The following ARID4B variants were observed in gnomAD, a reference collection of about 807,000 sequenced individuals.
ARID4B encodes the protein AT-rich interaction domain 4B, also known as AT-rich interactive domain-containing protein 4B.
Under a neutral mutation model 147.5 loss-of-function variants are expected in ARID4B, and 26 were observed. The ratio of observed to expected loss-of-function variants is 0.18; its 90% CI spans 0.13 to 0.24. ARID4B has a LOEUF of 0.24. Ranked by LOEUF, ARID4B falls within the 10% of genes least tolerant of loss-of-function variation. ARID4B has a pLI of 1.00. For missense variants in ARID4B, 1,179 were observed against 1,511.5 expected (o/e 0.78, Z 3.65); for synonymous variants, 512 against 507.9 (o/e 1.01, Z -0.11).
At chr1:235,272,709 C>T (rs1229329676) in intron 2 of ARID4B, among the ~76,000 whole-genome samples, 1 of 148,796 alleles carries the variant, frequency 6.7e-6, no homozygotes, top group East Asian at 2.0e-4. Context: ...ACATTTATTA[C>T]ATATTATAAT....
At chr1:235,172,534 CGCCATT>C (rs2102894526) in intron 23 of ARID4B, 78 bp downstream of exon 23, 1 of 951,480 alleles carries the variant, frequency 1.1e-6, no homozygotes, top group East Asian at 3.0e-5. Flanking sequence ...GCCGAGATTG[CGCCATT>C]GCACTCCAGC....
chr1:235,184,564 C>T (rs886515068), intron 19 of ARID4B, among the ~76,000 whole-genome samples: 11 of 152,186 alleles, frequency 7.2e-5, no homozygotes, highest in African/African-American at 2.7e-4. Context: ...CATGCATGTT[C>T]TTTAGCTAAA....
chr1:235,325,417 T>C (rs1675157688), intron 2 of ARID4B, among the ~76,000 whole-genome samples: 1 of 151,958 alleles, frequency 6.6e-6, no homozygotes, highest in Non-Finnish European at 1.5e-5. Context: ...ATCTCAGACT[T>C]TCAACTTAAC....
chr1:235,287,387 AG>A (rs1435072082), intron 2 of ARID4B, among the ~76,000 whole-genome samples: 9 of 152,266 alleles, frequency 5.9e-5, no homozygotes, highest in African/African-American at 2.2e-4. Flanking sequence ...ACTGCAGGGG[AG>A]GTTGTAGTAA....
chr1:235,308,542 C>T (rs1186535530), intron 2 of ARID4B, among the ~76,000 whole-genome samples: 1 of 148,730 alleles, frequency 6.7e-6, no homozygotes, highest in Non-Finnish European at 1.5e-5. Flanking sequence ...CTGGACTGTA[C>T]TGCTGCCATC....
chr1:235,177,058 T>C (rs1337748355), intron 21 of ARID4B, among the ~76,000 whole-genome samples: 1 of 152,226 alleles, frequency 6.6e-6, no homozygotes, highest in Non-Finnish European at 1.5e-5. Context: ...GCAAAAAGTA[T>C]TGTTTGTAGT....
At chr1:235,324,293 A>C (rs900549194) in intron 2 of ARID4B, among the ~76,000 whole-genome samples, 1 of 152,212 alleles carries the variant, frequency 6.6e-6, no homozygotes, top group Non-Finnish European at 1.5e-5. Flanking sequence ...TACAGCACAA[A>C]TTCCTTATGT....
chr1:235,212,347 T>C (rs992296490), intron 17 of ARID4B, among the ~76,000 whole-genome samples: 8 of 152,178 alleles, frequency 5.3e-5, no homozygotes, highest in Non-Finnish European at 1.0e-4. Context: ...AAACTTATGT[T>C]TCTGGATGAC....
intron 2 of ARID4B, among the ~76,000 whole-genome samples, chr1:235,298,791 A>G (rs1572185155): frequency 6.6e-6 from 1 of 152,210 alleles, no homozygotes; most frequent in East Asian, 1.9e-4. Flanking sequence ...TTAATACTAC[A>G]ATCAGAACAA....
chr1:235,212,249 A>G (rs926011421), intron 17 of ARID4B, among the ~76,000 whole-genome samples: 2 of 152,156 alleles, frequency 1.3e-5, no homozygotes, highest in Non-Finnish European at 2.9e-5. Flanking sequence ...TATCTCCAAA[A>G]AAAGACAAAA....
intron 2 of ARID4B, among the ~76,000 whole-genome samples, chr1:235,278,742 G>A (rs181414584): frequency 1.3e-5 from 2 of 152,288 alleles, no homozygotes; most frequent in African/African-American, 4.8e-5. Context: ...CAACACAGCA[G>A]GGTTGACAAT....
chr1:235,184,405 AAAAC>A (rs780825332), intron 19 of ARID4B, among the ~76,000 whole-genome samples: 9 of 152,206 alleles, frequency 5.9e-5, no homozygotes, highest in South Asian at 2.1e-4. Context: ...ATAAATAAGA[AAAAC>A]AAACAAACAA....
chr1:235,186,552 A>G (rs1168300283), intron 19 of ARID4B, among the ~76,000 whole-genome samples: 2 of 151,812 alleles, frequency 1.3e-5, no homozygotes, highest in African/African-American at 2.4e-5. Context: ...CTGGGACTAC[A>G]GGCACACGCC....
intron 8 of ARID4B, among the ~76,000 whole-genome samples, chr1:235,234,766 G>A (rs1386437519): frequency 2.6e-5 from 4 of 152,162 alleles, no homozygotes; most frequent in South Asian, 4.1e-4. Flanking sequence ...AGCTGTGGAC[G>A]AAGTTCTAGT....
At chr1:235,302,153 G>GA (rs749154889) in intron 2 of ARID4B, among the ~76,000 whole-genome samples, 4,007 of 30,534 alleles carry the variant, frequency 0.13, 258 homozygotes, top group African/African-American at 0.16. Context: ...TCAAAAAACG[G>GA]AAAAAAAAAA....
intron 2 of ARID4B, among the ~76,000 whole-genome samples, chr1:235,284,997 G>A (rs1324697933): frequency 6.6e-6 from 1 of 152,016 alleles, no homozygotes; most frequent in Non-Finnish European, 1.5e-5. Context: ...TCCAACTCCT[G>A]AAGTCAAGTG....
intron 2 of ARID4B, among the ~76,000 whole-genome samples, chr1:235,294,621 A>C (rs965440067): frequency 2.1e-5 from 3 of 143,378 alleles, no homozygotes; most frequent in African/African-American, 5.1e-5. Context: ...GCTTGAACCC[A>C]GGGGTTCAAG....
chr1:235,281,802 T>C (rs1671688301), intron 2 of ARID4B, among the ~76,000 whole-genome samples: 1 of 152,224 alleles, frequency 6.6e-6, no homozygotes, highest in African/African-American at 2.4e-5. Context: ...TTAGGGAGGC[T>C]GGTGAATGTA....
chr1:235,188,859 C>T (rs1664871898), intron 19 of ARID4B, among the ~76,000 whole-genome samples: 1 of 152,030 alleles, frequency 6.6e-6, no homozygotes, highest in Admixed American at 6.6e-5. Context: ...TTGCAATTTC[C>T]AAATCAGTTT....
Sources: gnomAD v4.1 joint callset for allele counts (sites outside exome capture counted in the v4.1 genomes callset) on GRCh38, gnomAD v4.1.1 for gene constraint, MANE v1.5 for transcripts, NCBI Gene and HGNC (gene_info 2026-07-23, HGNC 2026-07-21) for gene names.